The following CERS5 variants were observed in gnomAD, a reference collection of about 807,000 sequenced individuals.
CERS5 encodes the protein LAG1 homolog, ceramide synthase 5.
In CERS5, 37 loss-of-function variants were observed where a neutral mutation model predicts 58.9. The ratio of observed to expected loss-of-function variants is 0.63; its 90% CI spans 0.48 to 0.83. The LOEUF is 0.83. Among genes scored for constraint, CERS5 ranks in the 40% least tolerant of loss-of-function variants. The pLI, the probability that CERS5 is intolerant of heterozygous loss-of-function variation, is 0.00. For synonymous variants in CERS5, 147 were observed against 177.8 expected, an observed-to-expected ratio of 0.83 and a Z score of 1.38; for missense variants, 398 against 489.3, an observed-to-expected ratio of 0.81 and a Z score of 1.76.
intron 8 of CERS5, 145 bp downstream of exon 8, chr12:50,135,587 G>A (rs1565770167): frequency 1.3e-6 from 1 of 757,396 alleles, no homozygotes; most frequent in Non-Finnish European, 2.4e-6. Context: ...ACAGGCTAAG[G>A]TAAAAGCAGG....
intron 1 of CERS5, among the ~76,000 whole-genome samples, chr12:50,157,315 T>C (rs1938765655): frequency 6.6e-6 from 1 of 151,740 alleles, no homozygotes; most frequent in South Asian, 2.1e-4. Flanking sequence ...TCTGTCCCTC[T>C]AGAGAACCCT....
At chr12:50,132,900 G>A in intron 9 of CERS5, 2 of 1,282,936 alleles carry the variant, frequency 1.6e-6, no homozygotes, top group Non-Finnish European at 2.0e-6. Context: ...AGAGCAGGAG[G>A]AAAGAGAACC....
At chr12:50,135,156 GAGA>G (rs1951580981) in intron 8 of CERS5, among the ~76,000 whole-genome samples, 4 of 52,170 alleles carry the variant, frequency 7.7e-5, no homozygotes, top group Admixed American at 1.6e-4. Context: ...AGGAGGGAGG[GAGA>G]GAGAGGGGAG....
intron 4 of CERS5, among the ~76,000 whole-genome samples, chr12:50,141,182 C>G (rs768335145): frequency 1.3e-5 from 2 of 152,084 alleles, no homozygotes; most frequent in Non-Finnish European, 2.9e-5. Flanking sequence ...TCTTGAGTAG[C>G]TGGGACTACA....
intron 1 of CERS5, among the ~76,000 whole-genome samples, chr12:50,160,292 G>A (rs1324369587): frequency 7.5e-6 from 1 of 134,202 alleles, no homozygotes; most frequent in African/African-American, 2.7e-5. Flanking sequence ...GCAACAGAGC[G>A]AGACTCTGTC....
chr12:50,143,759 A>C, intron 2 of CERS5, 193 bp downstream of exon 2: 1 of 512,346 alleles, frequency 2.0e-6, no homozygotes, highest in East Asian at 3.1e-5. Flanking sequence ...CTACGTACGT[A>C]AACTTGACAT....
chr12:50,161,926 G>A (rs189182915), intron 1 of CERS5, among the ~76,000 whole-genome samples: 65 of 122,600 alleles, frequency 5.3e-4, no homozygotes, highest in Admixed American at 1.6e-3. Flanking sequence ...CCAAGCTGGA[G>A]TGCAGTGGCA....
At chr12:50,144,295 C>G in intron 1 of CERS5, 1 of 437,900 alleles carries the variant, frequency 2.3e-6, no homozygotes, top group Non-Finnish European at 4.2e-6. Context: ...AGGCGTGGGC[C>G]ACTGTGCTGG....
chr12:50,144,191 TG>T (rs2138104585), intron 1 of CERS5, 134 bp from the exon 2 acceptor site: 1 of 586,732 alleles, frequency 1.7e-6, no homozygotes, highest in East Asian at 2.8e-5. Context: ...ATGATGAAAC[TG>T]GGGTAATTAC....
intron 1 of CERS5, chr12:50,154,018 G>A: frequency 3.8e-6 from 1 of 263,282 alleles, no homozygotes; most frequent in South Asian, 3.0e-5. Flanking sequence ...AAAATGAAAA[G>A]CTCATTAATA....
At chr12:50,135,337 GT>G in intron 8 of CERS5, 1 of 392,536 alleles carries the variant, frequency 2.5e-6, no homozygotes, top group Non-Finnish European at 5.0e-6. Context: ...GTGTGTGTGT[GT>G]GTGTGTGTGT....
Position 50,143,982 on chromosome 12 carries a change from G to A in CERS5, c.273C>T (p.Ile91=). ...SGPYQAQPNA[I]LEKVFISITK... is the part of the protein sequence containing the mutation. ...TAATAGATATGAACACCTTTTCAAGGATGGCATTGGGTTGGGCCTGATAAG... is the reference window on the plus strand; with the variant it reads ...TAATAGATATGAACACCTTTTCAAGAATGGCATTGGGTTGGGCCTGATAAG... Residue 91 remains isoleucine, a synonymous_variant, in exon 2 of 10, where the codon ATC becomes ATT. Transcript: ENST00000317551. 6.2e-7 allele frequency: 1 copy of A among 1,610,812 alleles called. No homozygotes were observed. Among genetic ancestry groups the A allele is most frequent in the Non-Finnish European group, 8.5e-7 (1 of 1,177,036 alleles).
At chr12:50,151,926 G>C (rs529423399) in intron 1 of CERS5, among the ~76,000 whole-genome samples, 1 of 152,220 alleles carries the variant, frequency 6.6e-6, no homozygotes, top group African/African-American at 2.4e-5. Context: ...GATTACAGGC[G>C]TGAGTCGCCG....
chr12:50,155,736 CAAAAAAA>C lies in CERS5; in HGVS notation c.197+11358_197+11364del, dbSNP rs146913126. On this transcript the variant is annotated intron_variant, in intron 1 of 9. Transcript: ENST00000317551. ...TGGGCGACAGAGCGAGACTCCATCTCAAAAAAAAAAAAAAAAAAAAAAAAAAGGCCCA... is the reference window on the plus strand; with the variant it reads ...TGGGCGACAGAGCGAGACTCCATCTCAAAAAAAAAAAAAAAAAAAGGCCCA... Among the ~76,000 whole-genome samples the C allele has an allele frequency of 8.8e-4, 19 of 21,478 alleles. No individual in the cohort carries two copies. The South Asian group carries it at 0.059, about 67-fold the overall frequency. 14.1% of individuals were successfully genotyped at this position (21,478 alleles called of 152,430 possible).
chr12:50,166,360 C>A, intron 1 of CERS5: 1 of 169,198 alleles, frequency 5.9e-6, no homozygotes, highest in Non-Finnish European at 1.3e-5. Context: ...AAAAAAGAAT[C>A]TGGCTCAATA....
intron 9 of CERS5, 65 bp downstream of exon 9, chr12:50,134,481 A>G (rs750891807): frequency 7.4e-6 from 12 of 1,613,002 alleles, no homozygotes; most frequent in Non-Finnish European, 6.8e-6. Flanking sequence ...TGATGGAGAG[A>G]GAACGTCTGT....
At chr12:50,159,881 G>A (rs189786623) in intron 1 of CERS5, among the ~76,000 whole-genome samples, 7 of 152,070 alleles carry the variant, frequency 4.6e-5, no homozygotes, top group Non-Finnish European at 1.0e-4. Flanking sequence ...ATTAGCCACC[G>A]TGCCCAGCCT....
chr12:50,134,237 G>T (rs1486622820), intron 9 of CERS5, among the ~76,000 whole-genome samples: 2 of 151,050 alleles, frequency 1.3e-5, no homozygotes, highest in Non-Finnish European at 2.9e-5. Context: ...AAATTAGCCA[G>T]GCGTGGTGGT....
chr12:50,152,341 A>G (rs1038736528), intron 1 of CERS5, among the ~76,000 whole-genome samples: 21 of 152,258 alleles, frequency 1.4e-4, no homozygotes, highest in African/African-American at 5.1e-4. Flanking sequence ...CTGTAGAGCT[A>G]GGTCTTCTCA....
Sources: gnomAD v4.1 joint callset for allele counts (sites outside exome capture counted in the v4.1 genomes callset) on GRCh38, gnomAD v4.1.1 for gene constraint, MANE v1.5 for transcripts, NCBI Gene and HGNC (gene_info 2026-07-23, HGNC 2026-07-21) for gene names.